The following CDS2 variants were observed in gnomAD, a reference collection of about 807,000 sequenced individuals.
The protein encoded by CDS2 is CDP-diacylglycerol synthase 2, also known as phosphatidate cytidylyltransferase 2.
A neutral mutation model predicts 59.0 loss-of-function variants in CDS2; 47 were observed. The observed-to-expected ratio is 0.80, with a 90% CI of 0.63 to 1.02. The LOEUF is 1.02. Ranked by LOEUF, CDS2 falls within the 50% of genes least tolerant of loss-of-function variation. The pLI is 0.00. For synonymous variants in CDS2, 207 were observed against 206.4 expected (o/e 1.00, Z -0.02); for missense variants, 356 against 558.9 (o/e 0.64, Z 3.66).
intron 1 of CDS2, among the ~76,000 whole-genome samples, chr20:5,136,708 G>A (rs544899741): frequency 2.0e-5 from 3 of 152,024 alleles, no homozygotes; most frequent in African/African-American, 4.8e-5. Context: ...TATTGGGGGG[G>A]TGGGGTGGAG....
rs1477766863 is a variant in CDS2, at chr20:5,186,830, C to A, written c.972C>A (p.Val324=). Residue 324 remains valine (V), a synonymous_variant, in exon 10 of 13, where the codon GTC becomes GTA. Transcript: ENST00000460006. The part of the protein sequence containing the change: ...EYNIPGVIQS[V]IGWKTVRMYP... ...ACATTCCTGGGGTGATCCAGTCAGTCATTGGCTGGGTATGTGCCACTCACA... is the reference window on the plus strand; with the variant it reads ...ACATTCCTGGGGTGATCCAGTCAGTAATTGGCTGGGTATGTGCCACTCACA... The A allele has an allele frequency of 6.2e-7, 1 of 1,614,074 alleles. No homozygotes were observed. The highest frequency in any genetic ancestry group is 8.5e-7 in the Non-Finnish European group (1 of 1,179,986).
At chr20:5,175,562 C>T (rs551827987) in intron 3 of CDS2, 7 of 277,532 alleles carry the variant, frequency 2.5e-5, no homozygotes, top group Admixed American at 1.5e-4. Context: ...CTGAGGTGGG[C>T]GGATCACGAG....
At position 5,139,066 on chromosome 20, in the gene CDS2, G is replaced by A. The variant is rs543981925; in HGVS notation, c.57+11917G>A. ...GCATAAAAACAGACACACAGGCTGGGCGTGGTGGCTCATGCCTGTAATCCC... is the reference window on the plus strand; with the variant it reads ...GCATAAAAACAGACACACAGGCTGGACGTGGTGGCTCATGCCTGTAATCCC... On this transcript the variant is annotated intron_variant, in intron 1 of 12. Transcript: ENST00000460006. Among the ~76,000 whole-genome samples the A allele has an allele frequency of 2.6e-5, 4 of 152,318 alleles. No homozygotes were observed. In the East Asian group the frequency reaches 7.7e-4, roughly 29 times the overall value.
At position 5,190,327 on chromosome 20, in the gene CDS2, C is replaced by T; in HGVS notation, c.*93C>T. On this transcript the variant is annotated 3_prime_UTR_variant, in exon 13 of 13. Coordinates refer to ENST00000460006, the MANE Select transcript of CDS2 (RefSeq NM_003818.4). ...TGGTGTGACTTAGACAATGACGAGG[C>T]TTCAACTCACTGTCTTTTTTTTTTT... is the stretch of plus-strand genomic sequence containing the variant. The T allele has an allele frequency of 1.8e-6, 2 of 1,128,644 alleles. No individual in the cohort carries two copies. Among genetic ancestry groups the T allele is most frequent in the Admixed American group, 3.0e-5 (1 of 32,898 alleles). The allele number at this position is 1,128,644 out of a possible 1,614,324, so 69.9% of individuals were successfully genotyped here.
Position 5,197,580 on chromosome 20 carries a change from C to T in CDS2, c.*7346C>T, listed in dbSNP as rs1305360247. The T allele has an allele frequency of 6.6e-6, 1 of 151,842 alleles. No homozygotes were observed. The highest frequency in any genetic ancestry group is 1.5e-5 in the Non-Finnish European group (1 of 67,990). 9.4% of individuals were successfully genotyped at this position (151,842 alleles called of 1,614,324 possible). A position where few individuals can be genotyped will look rare whatever the true frequency, so the allele number is the denominator to read the frequency against. On this transcript the variant is annotated 3_prime_UTR_variant, in exon 13 of 13. Coordinates refer to ENST00000460006, the MANE Select transcript of CDS2 (RefSeq NM_003818.4). ...CTGATAGCCTGGGTGTTGATATTCA[C>T]TTTACCCGCACTCAGACACAGGCGA...
intron 1 of CDS2, among the ~76,000 whole-genome samples, chr20:5,136,058 G>A (rs975956099): frequency 9.2e-5 from 14 of 152,154 alleles, no homozygotes; most frequent in Non-Finnish European, 1.8e-4. Context: ...CTGGGACTTG[G>A]GATTTACGGG....
At chr20:5,189,966 A>C in intron 12 of CDS2, 128 bp downstream of exon 12, 1 of 1,370,796 alleles carries the variant, frequency 7.3e-7, no homozygotes, top group Non-Finnish European at 1.0e-6. Context: ...GTTTCTGCTT[A>C]CAGATTTTCT....
chr20:5,186,792 C>T lies in CDS2; in HGVS notation c.934C>T (p.Leu312=). ...CTGTGAGCCCTCGGACCTGTTTCGC[C>T]TGCAGGAGTACAACATTCCTGGGGT... ...VDCEPSDLFR[L]QEYNIPGVIQ... Residue 312 remains leucine, a synonymous_variant, in exon 10 of 13, where the codon CTG becomes TTG. Transcript: ENST00000460006. 1 of 1,614,200 alleles carries T rather than the reference C, an allele frequency of 6.2e-7. No homozygotes were observed. The highest frequency in any genetic ancestry group is 8.5e-7 in the Non-Finnish European group (1 of 1,180,028).
chr20:5,132,180 C>T (rs1001363626), intron 1 of CDS2, among the ~76,000 whole-genome samples: 1 of 152,070 alleles, frequency 6.6e-6, no homozygotes, highest in Non-Finnish European at 1.5e-5. Flanking sequence ...TCACTGCAGC[C>T]TCTGCCTCCT....
intron 1 of CDS2, among the ~76,000 whole-genome samples, chr20:5,141,278 ACTT>A (rs1403278339): frequency 6.6e-6 from 1 of 152,244 alleles, no homozygotes; most frequent in Non-Finnish European, 1.5e-5. Context: ...GGGTTTCCCC[ACTT>A]AGTCTATTAG....
At chr20:5,187,911 C>G (rs952785057) in intron 10 of CDS2, 1 of 150,696 alleles carries the variant, frequency 6.6e-6, no homozygotes, top group Non-Finnish European at 1.5e-5. Flanking sequence ...AGAAAAATGA[C>G]TGACAGTAAT....
At chr20:5,183,194 G>A in intron 7 of CDS2, 51 bp downstream of exon 7, 2 of 1,471,862 alleles carry the variant, frequency 1.4e-6, no homozygotes, top group Non-Finnish European at 1.9e-6. Context: ...TGTTTCTCGT[G>A]TACAGATACC....
At chr20:5,175,057 G>C in intron 2 of CDS2, 126 bp from the exon 3 acceptor site, 1 of 709,308 alleles carries the variant, frequency 1.4e-6, no homozygotes, top group South Asian at 1.7e-5. Context: ...CTCCGTCACG[G>C]TGAATCTGGA....
chr20:5,145,474 T>G (rs1228099375), intron 1 of CDS2, among the ~76,000 whole-genome samples: 1 of 152,158 alleles, frequency 6.6e-6, no homozygotes, highest in Non-Finnish European at 1.5e-5. Context: ...CAATCCCTAG[T>G]TCTTGCTCTC....
intron 12 of CDS2, 44 bp from the exon 13 acceptor site, chr20:5,190,058 T>C (rs1192809351): frequency 6.2e-7 from 1 of 1,603,536 alleles, no homozygotes; most frequent in East Asian, 2.2e-5. Context: ...CCCTGGAAGC[T>C]TCCGGGCCCT....
intron 1 of CDS2, among the ~76,000 whole-genome samples, chr20:5,146,010 A>G (rs912364717): frequency 6.6e-6 from 1 of 151,652 alleles, no homozygotes; most frequent in East Asian, 1.9e-4. Flanking sequence ...TTTTGTAGAG[A>G]TGGGGTCTCA....
rs759627824 is a variant in CDS2, at chr20:5,158,775, TC to T, written c.58-14747del. Among the ~76,000 whole-genome samples, 14 of 152,322 alleles carry T rather than the reference TC, an allele frequency of 9.2e-5. No individual in the cohort carries two copies. In the East Asian group the frequency reaches 2.7e-3, roughly 29 times the overall value. ...ACAGTAGGAATTTAATACTGGGTGA[TC>T]GTTGTATCTTACAAGGTGCATCCTC... On this transcript the variant is annotated intron_variant, in intron 1 of 12. Coordinates refer to ENST00000460006, the MANE Select transcript of CDS2 (RefSeq NM_003818.4).
At chr20:5,182,960 C>T in intron 6 of CDS2, 101 bp from the exon 7 acceptor site, 1 of 890,864 alleles carries the variant, frequency 1.1e-6, no homozygotes, top group South Asian at 1.5e-5. Context: ...AGATATTTTT[C>T]CTACCTGCTT....
chr20:5,137,169 C>T (rs745782261), intron 1 of CDS2, among the ~76,000 whole-genome samples: 6 of 151,410 alleles, frequency 4.0e-5, no homozygotes, highest in Non-Finnish European at 7.4e-5. Flanking sequence ...TGCTTGGTGC[C>T]TCTGTGTCAT....
Sources: gnomAD v4.1 joint callset for allele counts (sites outside exome capture counted in the v4.1 genomes callset) on GRCh38, gnomAD v4.1.1 for gene constraint, MANE v1.5 for transcripts, NCBI Gene and HGNC (gene_info 2026-07-23, HGNC 2026-07-21) for gene names.